The following TAFA2 variants were observed in gnomAD, a reference collection of about 807,000 sequenced individuals.
TAFA2 encodes TAFA chemokine like family member 2.
Under a neutral mutation model 18.8 loss-of-function variants are expected in TAFA2, and 7 were observed. The observed-to-expected ratio is 0.37, with a 90% CI of 0.21 to 0.70. TAFA2 has a LOEUF of 0.70. TAFA2 is among the 30% of genes least tolerant of loss of function. The probability of loss-of-function intolerance (pLI) is 0.53; values close to 1 mark genes in which losing one functional copy is unlikely to be tolerated. For synonymous variants in TAFA2, 60 were observed against 54.2 expected (o/e 1.11, Z -0.47); for missense variants, 122 against 158.1 (o/e 0.77, Z 1.23).
intron 1 of TAFA2, among the ~76,000 whole-genome samples, chr12:61,915,395 A>C (rs369608928): frequency 1.3e-5 from 2 of 152,332 alleles, no homozygotes; most frequent in East Asian, 1.9e-4. Context: ...ATTTATTGGT[A>C]CAAACTCTTT....
At chr12:61,971,496 G>GA (rs1240485011) in intron 1 of TAFA2, among the ~76,000 whole-genome samples, 1 of 149,466 alleles carries the variant, frequency 6.7e-6, no homozygotes, top group Non-Finnish European at 1.5e-5. Context: ...ATAAAAAAAA[G>GA]AAAAAAAGAA....
intron 1 of TAFA2, among the ~76,000 whole-genome samples, chr12:62,002,476 C>T (rs1357513009): frequency 6.6e-6 from 1 of 152,098 alleles, no homozygotes; most frequent in Non-Finnish European, 1.5e-5. Context: ...CTCAAGATAG[C>T]TTCCCGATTA....
intron 1 of TAFA2, among the ~76,000 whole-genome samples, chr12:61,988,173 C>A (rs1048732525): frequency 1.3e-5 from 2 of 151,982 alleles, no homozygotes; most frequent in Non-Finnish European, 2.9e-5. Context: ...TGGGAGGATG[C>A]CTTTCTCATG....
intron 2 of TAFA2, among the ~76,000 whole-genome samples, chr12:61,819,472 A>C (rs1185425960): frequency 6.6e-6 from 1 of 152,230 alleles, no homozygotes; most frequent in East Asian, 1.9e-4. Context: ...CCTCTTATGC[A>C]AATCTAAATA....
intron 1 of TAFA2, among the ~76,000 whole-genome samples, chr12:62,202,449 G>A (rs766818826): frequency 1.2e-4 from 18 of 151,750 alleles, no homozygotes; most frequent in South Asian, 6.3e-4. Flanking sequence ...CAGTTCAAGT[G>A]ATTCTCTCGC....
chr12:61,744,043 C>A (rs1196287199), intron 4 of TAFA2, among the ~76,000 whole-genome samples: 1 of 152,016 alleles, frequency 6.6e-6, no homozygotes, highest in Non-Finnish European at 1.5e-5. Context: ...TGTTGCCTCT[C>A]CCAGGAATGC....
At chr12:61,989,668 G>A (rs1879934817) in intron 1 of TAFA2, among the ~76,000 whole-genome samples, 1 of 152,138 alleles carries the variant, frequency 6.6e-6, no homozygotes, top group African/African-American at 2.4e-5. Context: ...CAGAATAGAT[G>A]TGGTTCAAAG....
At position 61,790,945 on chromosome 12, in the gene TAFA2, C is replaced by T. The variant is rs145213250; in HGVS notation, c.107-35921G>A. Among the ~76,000 whole-genome samples the T allele has an allele frequency of 2.6e-3, 393 of 151,894 alleles. 2 individuals carry two copies. The highest frequency in any genetic ancestry group is 4.9e-3 in the Non-Finnish European group (335 of 67,858). On this transcript the variant is annotated intron_variant, in intron 2 of 4. Transcript: ENST00000416284. Reference sequence around the variant, plus strand: ...GGGAAAACCTAGAGGCATCATATTACCTGATTTCAAAATATACAACAACAC... The same window carrying T: ...GGGAAAACCTAGAGGCATCATATTATCTGATTTCAAAATATACAACAACAC...
chr12:62,193,771 A>G (rs1308826452), upstream of TAFA2, among the ~76,000 whole-genome samples: 1 of 152,192 alleles, frequency 6.6e-6, no homozygotes, highest in Non-Finnish European at 1.5e-5. Flanking sequence ...ATGTTTCTGT[A>G]TGTTCAAAAA....
rs537962316 is a variant in TAFA2 at position 61,950,505 on chromosome 12, C to T, written c.-1-83079G>A. Among the ~76,000 whole-genome samples the T allele has an allele frequency of 5.3e-5, 8 of 152,014 alleles. No homozygotes were observed. In the South Asian group the frequency reaches 1.2e-3, roughly 24 times the overall value. On this transcript the variant is annotated intron_variant, in intron 1 of 4. Transcript: ENST00000416284. ...ATAGTTTTGATTTTCATTCCTATGA[C>T]GATTAGTGATGTTAAGCATTTTTTT...
chr12:61,710,402 T>G lies in TAFA2; in HGVS notation c.*4A>C. ...GCCTTGAGGATCACTTGATTTCTCC[T>G]GGGTTAATGGGTTACCTACAAAGGA... is the stretch of plus-strand genomic sequence containing the variant. On this transcript the variant is annotated 3_prime_UTR_variant, in exon 5 of 5. Coordinates refer to ENST00000416284, the MANE Select transcript of TAFA2 (RefSeq NM_178539.5). 1.2e-6 allele frequency: 2 copies of G among 1,608,668 alleles called. No individual in the cohort carries two copies. The highest frequency in any genetic ancestry group is 1.7e-6 in the Non-Finnish European group (2 of 1,175,294).
chr12:61,756,444 G>T (rs909716284), intron 2 of TAFA2, among the ~76,000 whole-genome samples: 2 of 151,964 alleles, frequency 1.3e-5, no homozygotes, highest in Non-Finnish European at 2.9e-5. Flanking sequence ...GTTTTAATTT[G>T]CCAAATGGTT....
chr12:61,777,465 G>A (rs576457131), intron 2 of TAFA2, among the ~76,000 whole-genome samples: 22 of 151,744 alleles, frequency 1.4e-4, no homozygotes, highest in Non-Finnish European at 2.7e-4. Flanking sequence ...TTATCCTTGT[G>A]AAAGCAATCT....
chr12:61,818,437 T>A (rs1872178028), intron 2 of TAFA2, among the ~76,000 whole-genome samples: 2 of 151,874 alleles, frequency 1.3e-5, no homozygotes, highest in East Asian at 1.9e-4. Context: ...TTTTGTTAAA[T>A]ACTGAGATTC....
chr12:61,710,339 GT>G lies in TAFA2; in HGVS notation c.*66del. On this transcript the variant is annotated 3_prime_UTR_variant, in exon 5 of 5. Coordinates refer to ENST00000416284, the MANE Select transcript of TAFA2 (RefSeq NM_178539.5). ...AAAAATCTTCAAGATCACCTCAGGAGTTGAGTTAAGTTTCTATGCGCATGTT... is the reference window on the plus strand; with the variant it reads ...AAAAATCTTCAAGATCACCTCAGGAGTGAGTTAAGTTTCTATGCGCATGTT... The G allele has an allele frequency of 1.4e-6, 2 of 1,476,230 alleles. No homozygotes were observed. Among genetic ancestry groups the G allele is most frequent in the Non-Finnish European group, 1.9e-6 (2 of 1,055,288 alleles). The allele number at this position is 1,476,230 out of a possible 1,614,324, so 91.4% of individuals were successfully genotyped here.
chr12:61,853,403 A>G (rs1873758676), intron 2 of TAFA2, among the ~76,000 whole-genome samples: 1 of 152,226 alleles, frequency 6.6e-6, no homozygotes, highest in South Asian at 2.1e-4. Context: ...AGAGTATAAA[A>G]AAAATTTAAA....
At chr12:61,738,609 G>A (rs73123761) in intron 4 of TAFA2, among the ~76,000 whole-genome samples, 4,253 of 152,140 alleles carry the variant, frequency 0.028, 77 homozygotes, top group Non-Finnish European at 0.044. Flanking sequence ...AGCATATCCT[G>A]GGTAGAGCAC....
chr12:61,910,520 A>T (rs1036092467), intron 1 of TAFA2, among the ~76,000 whole-genome samples: 1 of 152,148 alleles, frequency 6.6e-6, no homozygotes. Flanking sequence ...TGACTCCAAG[A>T]TAAACATAAT....
intron 1 of TAFA2, chr12:62,242,371 G>C (rs2062866669): frequency 6.6e-6 from 1 of 152,172 alleles, no homozygotes; most frequent in Non-Finnish European, 1.5e-5. Context: ...TAAAAGTATA[G>C]TTTAACACTT....
Sources: gnomAD v4.1 joint callset for allele counts (sites outside exome capture counted in the v4.1 genomes callset) on GRCh38, gnomAD v4.1.1 for gene constraint, MANE v1.5 for transcripts, NCBI Gene and HGNC (gene_info 2026-07-23, HGNC 2026-07-21) for gene names.